Variants in HUNK observed in about 807,000 individuals in gnomAD.
HUNK encodes hormonally up-regulated Neu-associated kinase.
In HUNK, 21 loss-of-function variants were observed where a neutral mutation model predicts 61.0. That is an observed-to-expected ratio of 0.34 (90% CI 0.24 to 0.50). The LOEUF (loss-of-function observed/expected upper bound fraction) is 0.50. Among genes scored for constraint, HUNK ranks in the 20% least tolerant of loss-of-function variants. HUNK has a pLI of 0.98. For synonymous variants in HUNK, 371 were observed against 386.1 expected (o/e 0.96, Z 0.46); for missense variants, 772 against 945.7 (o/e 0.82, Z 2.41).
At chr21:31,894,675 G>A (rs867813202) in intron 1 of HUNK, among the ~76,000 whole-genome samples, 6 of 152,134 alleles carry the variant, frequency 3.9e-5, no homozygotes, top group Non-Finnish European at 5.9e-5. Context: ...TAGAAAAGGT[G>A]TCCCCTCTGG....
chr21:31,990,930 G>A (rs1254290929), intron 9 of HUNK, among the ~76,000 whole-genome samples: 1 of 152,168 alleles, frequency 6.6e-6, no homozygotes, highest in East Asian at 1.9e-4. Flanking sequence ...GTTGACATAT[G>A]AAATTAACCA....
Position 31,999,321 on chromosome 21 carries a change from A to C in HUNK, c.*137A>C. On this transcript the variant is annotated 3_prime_UTR_variant, in exon 11 of 11. Transcript: ENST00000270112. ...ACCTGTAGCTGAATCCACAGACCCA[A>C]AGCCTGCACAACCCAACCTCGCTTA... The C allele has an allele frequency of 1.3e-6, 1 of 791,004 alleles. No individual in the cohort carries two copies. The highest frequency in any genetic ancestry group is 2.7e-5 in the East Asian group (1 of 36,920). The allele number at this position is 791,004 out of a possible 1,614,324, so 49.0% of individuals were successfully genotyped here. A position where few individuals can be genotyped will look rare whatever the true frequency, so the allele number is the denominator to read the frequency against.
chr21:31,968,813 CTGTG>C (rs758656825), intron 6 of HUNK, among the ~76,000 whole-genome samples: 4 of 133,726 alleles, frequency 3.0e-5, no homozygotes, highest in African/African-American at 5.7e-5. Context: ...GGTGTTGTGT[CTGTG>C]TGTGTGTATG....
chr21:31,941,426 C>A (rs543911223), intron 3 of HUNK, among the ~76,000 whole-genome samples: 3 of 151,890 alleles, frequency 2.0e-5, no homozygotes, highest in Non-Finnish European at 4.4e-5. Flanking sequence ...CCTGTCTCAG[C>A]CTCCCGAGTA....
At position 31,940,177 on chromosome 21, in the gene HUNK, A is replaced by G; in HGVS notation, c.567A>G (p.Ile189Met). 1 of 1,595,402 alleles carries G rather than the reference A, an allele frequency of 6.3e-7. No homozygotes were observed. Among genetic ancestry groups the G allele is most frequent in the Non-Finnish European group, 8.5e-7 (1 of 1,170,974 alleles). Residue 189 changes from isoleucine (I) to methionine (M), a missense_variant, in exon 3 of 11, where the codon ATA becomes ATG. Transcript: ENST00000270112. ...TTGTTTATTTCAGAGACTTGAAGAT[A>G]GAGAATTTGCTACTAGATGAAGACA... The part of the protein sequence containing the change: ...RAGVVHRDLK[I>M]ENLLLDEDNN...
chr21:31,995,953 G>T lies in HUNK; in HGVS notation c.1486+5G>T, dbSNP rs1601415335. The T allele has an allele frequency of 6.2e-7, 1 of 1,611,204 alleles. No homozygotes were observed. Among genetic ancestry groups the T allele is most frequent in the Non-Finnish European group, 8.5e-7 (1 of 1,178,116 alleles). The stretch of plus-strand genomic sequence containing the variant: ...AGTCCAGCTTCCCCGACAAAGGTGG[G>T]TCAGCTCTGGGGACTCTCTCAGGCC... On this transcript the variant is annotated splice_donor_5th_base_variant and intron_variant, in intron 10 of 10. Transcript: ENST00000270112.
chr21:31,929,142 G>C (rs2052680431), intron 2 of HUNK, among the ~76,000 whole-genome samples: 1 of 152,016 alleles, frequency 6.6e-6, no homozygotes. Flanking sequence ...CTTAATGCTA[G>C]CAGAGCCCTC....
At chr21:31,938,639 A>T (rs2052747908) in intron 2 of HUNK, among the ~76,000 whole-genome samples, 1 of 152,258 alleles carries the variant, frequency 6.6e-6, no homozygotes, top group Non-Finnish European at 1.5e-5. Context: ...GATAAGAGGA[A>T]AAAGAAACAT....
intron 4 of HUNK, among the ~76,000 whole-genome samples, chr21:31,955,085 C>G (rs1237289514): frequency 6.6e-6 from 1 of 152,086 alleles, no homozygotes; most frequent in East Asian, 1.9e-4. Flanking sequence ...TTGCGCCTGG[C>G]TGAATGTGCA....
chr21:31,980,614 GTCTTGATC>G (rs1159832752), intron 7 of HUNK, among the ~76,000 whole-genome samples: 1 of 151,878 alleles, frequency 6.6e-6, no homozygotes, highest in Non-Finnish European at 1.5e-5. Context: ...GGCCAGGATG[GTCTTGATC>G]TCTTGACCTC....
At chr21:31,973,360 A>G (rs1299801269) in intron 6 of HUNK, among the ~76,000 whole-genome samples, 1 of 151,826 alleles carries the variant, frequency 6.6e-6, no homozygotes, top group Non-Finnish European at 1.5e-5. Flanking sequence ...CCTGTGTCCA[A>G]GTGTTCTTAT....
intron 9 of HUNK, among the ~76,000 whole-genome samples, chr21:31,993,157 C>T (rs565021321): frequency 2.0e-4 from 31 of 152,086 alleles, no homozygotes; most frequent in Non-Finnish European, 3.5e-4. Flanking sequence ...GCCAAATAGC[C>T]CCCTTGTCAG....
chr21:31,908,640 C>T (rs867492092), intron 1 of HUNK, among the ~76,000 whole-genome samples: 36 of 152,200 alleles, frequency 2.4e-4, no homozygotes, highest in African/African-American at 8.4e-4. Context: ...CTGGGATTCT[C>T]AGCAAGTTCC....
intron 8 of HUNK, 101 bp downstream of exon 8, chr21:31,983,710 G>C (rs1402413725): frequency 1.2e-6 from 1 of 814,532 alleles, no homozygotes; most frequent in East Asian, 2.5e-5. Context: ...CACTGAAGTA[G>C]CAAAAGACAC....
intron 1 of HUNK, among the ~76,000 whole-genome samples, chr21:31,895,890 GT>G (rs1482361693): frequency 6.6e-6 from 1 of 152,192 alleles, no homozygotes; most frequent in Non-Finnish European, 1.5e-5. Context: ...AAATTCATAT[GT>G]TGAAGTCCTA....
At chr21:31,925,961 G>A (rs1053232850) in intron 2 of HUNK, among the ~76,000 whole-genome samples, 10 of 149,994 alleles carry the variant, frequency 6.7e-5, no homozygotes, top group Admixed American at 4.6e-4. Context: ...TCGCTTTGTC[G>A]CCCAGGCTGG....
chr21:31,905,653 G>A (rs995892722), intron 1 of HUNK, among the ~76,000 whole-genome samples: 1 of 152,220 alleles, frequency 6.6e-6, no homozygotes, highest in Non-Finnish European at 1.5e-5. Flanking sequence ...CCCAGCCAGT[G>A]CAGGGAGGCC....
chr21:31,963,758 C>T (rs917632056), intron 5 of HUNK, among the ~76,000 whole-genome samples: 7 of 152,110 alleles, frequency 4.6e-5, no homozygotes, highest in African/African-American at 1.2e-4. Context: ...AATCCTCCTG[C>T]GTCGGACTCT....
intron 1 of HUNK, among the ~76,000 whole-genome samples, chr21:31,884,899 T>A (rs2052335003): frequency 6.6e-6 from 1 of 152,002 alleles, no homozygotes; most frequent in African/African-American, 2.4e-5. Flanking sequence ...TGTCTCAGCC[T>A]CCCGAGTAGC....
Sources: allele counts gnomAD v4.1 joint callset (sites outside exome capture counted in the v4.1 genomes callset), GRCh38; gene constraint gnomAD v4.1.1; transcripts MANE v1.5; gene names NCBI Gene and HGNC (gene_info 2026-07-23, HGNC 2026-07-21).